ULK4: variants seen among roughly 807,000 people sequenced by gnomAD.
The protein encoded by ULK4 is unc-51 like kinase 4.
ULK4 carries 133 observed loss-of-function variants against 160.6 expected under a neutral mutation model. The observed-to-expected ratio is 0.83, with a 90% confidence interval of 0.72 to 0.96. ULK4 has a LOEUF of 0.96. ULK4 is among the 40% of genes least tolerant of loss of function. The pLI is 0.00. For missense variants in ULK4, 1,580 were observed against 1,499.5 expected, an observed-to-expected ratio of 1.05 and a Z score of -0.89; for synonymous variants, 534 against 539.8, an observed-to-expected ratio of 0.99 and a Z score of 0.15.
intron 35 of ULK4, among the ~76,000 whole-genome samples, chr3:41,317,963 T>C (rs187218387): frequency 5.3e-5 from 8 of 152,192 alleles, no homozygotes; most frequent in Non-Finnish European, 1.0e-4. Context: ...AGGGAATTAG[T>C]CACTTGACCT....
chr3:41,675,275 T>C (rs1575557409), intron 29 of ULK4, among the ~76,000 whole-genome samples: 1 of 151,606 alleles, frequency 6.6e-6, no homozygotes, highest in East Asian at 1.9e-4. Flanking sequence ...GAAGATGTAG[T>C]TAAGAAACCC....
intron 32 of ULK4, among the ~76,000 whole-genome samples, chr3:41,480,723 G>A (rs1186191175): frequency 1.3e-5 from 2 of 152,106 alleles, no homozygotes; most frequent in African/African-American, 4.8e-5. Flanking sequence ...AATTTATAAA[G>A]GAAAGAGGTT....
At chr3:41,766,682 GGTGTTTTAAGAGCAT>G (rs1400962111) in intron 21 of ULK4, 1 of 152,202 alleles carries the variant, frequency 6.6e-6, no homozygotes, top group Non-Finnish European at 1.5e-5. Flanking sequence ...TAATCTTAGT[GGTGTTTTAAGAGCAT>G]GTTTGGAGAT....
intron 34 of ULK4, among the ~76,000 whole-genome samples, chr3:41,433,179 G>A (rs892043037): frequency 6.6e-6 from 1 of 152,056 alleles, no homozygotes; most frequent in Non-Finnish European, 1.5e-5. Context: ...ATGAGCAAGG[G>A]TTACACTAAA....
At chr3:41,505,342 C>T (rs1575323759) in intron 32 of ULK4, among the ~76,000 whole-genome samples, 1 of 152,096 alleles carries the variant, frequency 6.6e-6, no homozygotes, top group Non-Finnish European at 1.5e-5. Flanking sequence ...TAATTTGCTG[C>T]CTGGTTTTGT....
intron 25 of ULK4, among the ~76,000 whole-genome samples, chr3:41,708,518 G>C (rs775623926): frequency 1.3e-5 from 2 of 152,134 alleles, no homozygotes; most frequent in Admixed American, 6.6e-5. Context: ...CCAGGGACTG[G>C]GGGTAGGGGA....
chr3:41,438,660 G>C (rs928331593), intron 34 of ULK4, among the ~76,000 whole-genome samples: 1 of 151,264 alleles, frequency 6.6e-6, no homozygotes. Context: ...GTTAAAACAA[G>C]GACAAAAAAA....
chr3:41,302,565 T>G (rs1378868935), intron 35 of ULK4, among the ~76,000 whole-genome samples: 2 of 152,240 alleles, frequency 1.3e-5, no homozygotes, highest in East Asian at 3.8e-4. Flanking sequence ...CTCCGCATGT[T>G]GTAATGAGCC....
chr3:41,913,027 TTTA>T (rs1698842069), intron 8 of ULK4, 128 bp from the exon 9 acceptor site: 1 of 726,086 alleles, frequency 1.4e-6, no homozygotes, highest in African/African-American at 1.8e-5. Context: ...CATTTTATAT[TTTA>T]TTATTTCATT....
At chr3:41,813,507 A>G (rs1377780698) in intron 19 of ULK4, among the ~76,000 whole-genome samples, 2 of 152,212 alleles carry the variant, frequency 1.3e-5, no homozygotes, top group Admixed American at 6.5e-5. Context: ...CAAATAATTT[A>G]TACATTTAAT....
chr3:41,452,432 G>C (rs569628607), intron 34 of ULK4, among the ~76,000 whole-genome samples: 82 of 152,280 alleles, frequency 5.4e-4, no homozygotes, highest in African/African-American at 1.9e-3. Flanking sequence ...TCCACTGAGA[G>C]TTAAATCCAA....
At chr3:41,824,545 C>T (rs891071890) in intron 18 of ULK4, among the ~76,000 whole-genome samples, 1 of 152,172 alleles carries the variant, frequency 6.6e-6, no homozygotes, top group Non-Finnish European at 1.5e-5. Context: ...GAGGGTCCTA[C>T]GCCCATGAAG....
chr3:41,862,367 C>T (rs1338110887), intron 17 of ULK4, among the ~76,000 whole-genome samples: 2 of 150,814 alleles, frequency 1.3e-5, no homozygotes, highest in South Asian at 2.1e-4. Context: ...GAAAGGTCAC[C>T]TATCTCTGTT....
At chr3:41,936,058 C>A in intron 3 of ULK4, 118 bp from the exon 4 acceptor site, 1 of 1,328,564 alleles carries the variant, frequency 7.5e-7, no homozygotes, top group Non-Finnish European at 1.0e-6. Flanking sequence ...TAAACGCTGA[C>A]AGCCTGGTCA....
intron 35 of ULK4, among the ~76,000 whole-genome samples, chr3:41,299,473 T>G (rs2079740193): frequency 6.6e-6 from 1 of 152,164 alleles, no homozygotes; most frequent in Admixed American, 6.5e-5. Context: ...ATTCAACCAA[T>G]AAAATCCCAT....
chr3:41,494,474 T>C (rs1416066218), intron 32 of ULK4, among the ~76,000 whole-genome samples: 1 of 149,252 alleles, frequency 6.7e-6, no homozygotes, highest in Non-Finnish European at 1.5e-5. Flanking sequence ...GCCAATATCA[T>C]ACTGAATGGG....
At chr3:41,906,275 A>T (rs1363359145) in intron 12 of ULK4, among the ~76,000 whole-genome samples, 2 of 151,524 alleles carry the variant, frequency 1.3e-5, no homozygotes, top group Admixed American at 6.6e-5. Context: ...CTACAATCCC[A>T]GCACTCTGGG....
intron 31 of ULK4, among the ~76,000 whole-genome samples, chr3:41,569,012 T>C (rs2087878564): frequency 6.6e-6 from 1 of 152,178 alleles, no homozygotes; most frequent in Non-Finnish European, 1.5e-5. Context: ...ACCATTTTAC[T>C]ATAAAGGACA....
chr3:41,800,839 C>T (rs566354601), intron 19 of ULK4, among the ~76,000 whole-genome samples: 13 of 152,060 alleles, frequency 8.5e-5, no homozygotes, highest in South Asian at 2.1e-4. Flanking sequence ...ATGGTCCTAG[C>T]GGTGCTAAAA....
Sources: allele counts gnomAD v4.1 joint callset (sites outside exome capture counted in the v4.1 genomes callset), GRCh38; gene constraint gnomAD v4.1.1; transcripts MANE v1.5; gene names NCBI Gene and HGNC (gene_info 2026-07-23, HGNC 2026-07-21).